The following FHIT variants were observed in gnomAD, a reference collection of about 807,000 sequenced individuals.
FHIT encodes the protein fragile histidine triad diadenosine triphosphatase.
A neutral mutation model predicts 17.9 loss-of-function variants in FHIT; 19 were observed. The ratio of observed to expected loss-of-function variants is 1.06; its 90% CI spans 0.74 to 1.56. The LOEUF is 1.56. Among genes scored for constraint, FHIT ranks in the 40% most tolerant of loss-of-function variants. The pLI, the probability that FHIT is intolerant of heterozygous loss-of-function variation, is 0.00. For synonymous variants in FHIT, 81 were observed against 69.7 expected (o/e 1.16, Z -0.81); for missense variants, 248 against 189.2 (o/e 1.31, Z -1.82).
At chr3:60,879,954 T>TAA (rs1393161533) in intron 3 of FHIT, among the ~76,000 whole-genome samples, 1 of 148,330 alleles carries the variant, frequency 6.7e-6, no homozygotes, top group Admixed American at 6.7e-5. Context: ...AAAGATGTAT[T>TAA]AAAAAAAAAA....
chr3:60,805,459 CTCT>C (rs1477082964), intron 4 of FHIT, among the ~76,000 whole-genome samples: 2 of 152,144 alleles, frequency 1.3e-5, no homozygotes, highest in African/African-American at 2.4e-5. Flanking sequence ...CTAGTATCTC[CTCT>C]TCTTCTTCTT....
intron 4 of FHIT, among the ~76,000 whole-genome samples, chr3:60,673,538 G>A (rs1342490171): frequency 6.6e-6 from 1 of 152,026 alleles, no homozygotes; most frequent in African/African-American, 2.4e-5. Flanking sequence ...GGGCAGCGGT[G>A]GGAGGGAGAG....
chr3:60,246,013 A>C (rs1705378378), intron 5 of FHIT, among the ~76,000 whole-genome samples: 1 of 152,122 alleles, frequency 6.6e-6, no homozygotes, highest in African/African-American at 2.4e-5. Context: ...CTTATGTTAA[A>C]GTAAACTGTT....
At chr3:60,408,026 A>G (rs1302754908) in intron 5 of FHIT, among the ~76,000 whole-genome samples, 3 of 152,322 alleles carry the variant, frequency 2.0e-5, no homozygotes, top group African/African-American at 7.2e-5. Flanking sequence ...ATGACAGCAC[A>G]TGCCTCATTT....
At chr3:60,638,538 C>T (rs574606491) in intron 4 of FHIT, among the ~76,000 whole-genome samples, 5 of 152,212 alleles carry the variant, frequency 3.3e-5, no homozygotes, top group South Asian at 4.2e-4. Flanking sequence ...TCTTAATGTT[C>T]AGGTCGTGTA....
In FHIT at chr3:61,025,805, G is replaced by A. The variant is rs537433289; in HGVS notation, c.-111+16242C>T. On this transcript the variant is annotated intron_variant, in intron 3 of 9. Transcript: ENST00000492590. ...ATAGGAAAAGGTTTGGTGATTCTAC[G>A]TAGCTTTTGTGACTGTAGTTCTAGC... is the stretch of plus-strand genomic sequence containing the variant. Among the ~76,000 whole-genome samples, 10 of 152,290 alleles carry A rather than the reference G, an allele frequency of 6.6e-5. No homozygotes were observed. The South Asian group carries it at 1.0e-3, about 16-fold the overall frequency.
chr3:60,260,627 G>A (rs913828559), intron 5 of FHIT, among the ~76,000 whole-genome samples: 1 of 151,952 alleles, frequency 6.6e-6, no homozygotes, highest in African/African-American at 2.4e-5. Flanking sequence ...TCTGTCAGAG[G>A]TGTTTGAACC....
intron 8 of FHIT, among the ~76,000 whole-genome samples, chr3:59,863,079 A>C (rs781431975): frequency 6.6e-6 from 1 of 152,234 alleles, no homozygotes; most frequent in Non-Finnish European, 1.5e-5. Flanking sequence ...CTATCCGAGG[A>C]ATAGTCCTAT....
At chr3:60,909,454 T>C (rs1435661984) in intron 3 of FHIT, among the ~76,000 whole-genome samples, 2 of 151,762 alleles carry the variant, frequency 1.3e-5, no homozygotes, top group South Asian at 2.1e-4. Context: ...AACGGAAACA[T>C]GTTTACATTT....
chr3:60,944,029 C>G (rs1168129884), intron 3 of FHIT, among the ~76,000 whole-genome samples: 1 of 152,162 alleles, frequency 6.6e-6, no homozygotes, highest in Admixed American at 6.5e-5. Context: ...CTATCCCAGT[C>G]TCTCACCTGT....
At chr3:60,598,138 T>G (rs190660917) in intron 4 of FHIT, among the ~76,000 whole-genome samples, 183 of 152,252 alleles carry the variant, frequency 1.2e-3, no homozygotes, top group Admixed American at 5.0e-3. Flanking sequence ...AATTCCAGCC[T>G]TCATATTGGA....
intron 8 of FHIT, among the ~76,000 whole-genome samples, chr3:59,833,931 C>T (rs1434362683): frequency 2.6e-5 from 4 of 152,162 alleles, no homozygotes; most frequent in Non-Finnish European, 5.9e-5. Context: ...GCCTGCATCT[C>T]CTTTGCCTTC....
intron 8 of FHIT, among the ~76,000 whole-genome samples, chr3:59,753,586 G>A (rs1294726373): frequency 6.6e-6 from 1 of 152,178 alleles, no homozygotes; most frequent in Non-Finnish European, 1.5e-5. Context: ...TCATGGGAAT[G>A]CACAGTGTAG....
rs1219568295 is a variant in FHIT at position 61,111,712 on chromosome 3, T to A, written c.-163-69613A>T. On this transcript the variant is annotated intron_variant, in intron 2 of 9. Coordinates refer to ENST00000492590, the MANE Select transcript of FHIT (RefSeq NM_002012.4). ...TTGCCCAGTTCAGCCTTGGTTGTCA[T>A]ACTAATTTAATACCAACATGACTGG... 2.0e-5 allele frequency among the ~76,000 whole-genome samples: 3 copies of A among 152,252 alleles called. No homozygotes were observed. In the East Asian group the frequency reaches 5.8e-4, roughly 29 times the overall value.
chr3:60,797,863 T>C lies in FHIT; in HGVS notation c.-18+24056A>G, dbSNP rs530449771. Among the ~76,000 whole-genome samples the C allele has an allele frequency of 1.5e-3, 234 of 152,238 alleles. 2 individuals carry two copies. The highest frequency in any genetic ancestry group is 5.0e-3 in the African/African-American group (207 of 41,544). ...ATTCTTCATTTTGCTTTTTAAATTC[T>C]AATGTATAATTTTGAATATTGTGCA... On this transcript the variant is annotated intron_variant, in intron 4 of 9. Transcript: ENST00000492590.
chr3:61,056,143 T>C (rs1411175054), intron 2 of FHIT, among the ~76,000 whole-genome samples: 4 of 152,172 alleles, frequency 2.6e-5, no homozygotes, highest in Non-Finnish European at 5.9e-5. Context: ...CTTTACCTGT[T>C]GGGTGGGATG....
At chr3:60,642,933 C>A (rs183613772) in intron 4 of FHIT, among the ~76,000 whole-genome samples, 10 of 152,158 alleles carry the variant, frequency 6.6e-5, no homozygotes, top group African/African-American at 2.4e-4. Context: ...AGGTCAAAGC[C>A]CCTAAGACAT....
chr3:60,696,462 A>T (rs1487762680), intron 4 of FHIT, among the ~76,000 whole-genome samples: 1 of 152,188 alleles, frequency 6.6e-6, no homozygotes, highest in African/African-American at 2.4e-5. Context: ...TTGCCATGCA[A>T]AATTGCCTAT....
At chr3:60,929,044 T>C (rs1272067466) in intron 3 of FHIT, among the ~76,000 whole-genome samples, 4 of 152,228 alleles carry the variant, frequency 2.6e-5, no homozygotes, top group African/African-American at 9.6e-5. Flanking sequence ...ATTCCTGGGA[T>C]GCAAGGCTGG....
Sources: allele counts gnomAD v4.1 joint callset (sites outside exome capture counted in the v4.1 genomes callset), GRCh38; gene constraint gnomAD v4.1.1; transcripts MANE v1.5; gene names NCBI Gene and HGNC (gene_info 2026-07-23, HGNC 2026-07-21).